SDK2: variants seen among roughly 807,000 people sequenced by gnomAD.
The protein encoded by SDK2 is sidekick cell adhesion molecule 2, also known as protein sidekick-2.
SDK2 carries 105 observed loss-of-function variants against 253.9 expected under a neutral mutation model. The observed-to-expected ratio is 0.41, with a 90% confidence interval of 0.35 to 0.49. The LOEUF is 0.49. Ranked by LOEUF, SDK2 falls within the 20% of genes least tolerant of loss-of-function variation. The pLI is 0.06. For missense variants in SDK2, 2,608 were observed against 3,003.0 expected (o/e 0.87, Z 3.07); for synonymous variants, 1,249 against 1,234.9 (o/e 1.01, Z -0.24).
In SDK2 at chr17:73,435,417, C is replaced by A; in HGVS notation, c.1195+33G>T. 6.5e-7 allele frequency: 1 copy of A among 1,547,050 alleles called. No homozygotes were observed. The highest frequency in any genetic ancestry group is 8.8e-7 in the Non-Finnish European group (1 of 1,142,032). On this transcript the variant is annotated intron_variant, in intron 9 of 44. Coordinates refer to ENST00000392650, the MANE Select transcript of SDK2 (RefSeq NM_001144952.2). The surrounding 1 kb of genome is among the most constrained non-coding windows in gnomAD (Gnocchi z 5.7). Reference sequence around the variant, plus strand: ...GAAAGCTGCGTCCTGGGAAGAGGGGCTCACGGGCAGCACAAGGGAAGGCCC... The same window carrying A: ...GAAAGCTGCGTCCTGGGAAGAGGGGATCACGGGCAGCACAAGGGAAGGCCC...
Position 73,352,809 on chromosome 17 carries a change from G to C in SDK2, c.5594-172C>G, listed in dbSNP as rs889786226. ...GAAGTTTCTTAAAAAGACAACTTTC[G>C]GGCCAAGCACGGTGGCTCATGCCTG... On this transcript the variant is annotated intron_variant, in intron 40 of 44. Coordinates refer to ENST00000392650, the MANE Select transcript of SDK2 (RefSeq NM_001144952.2). The surrounding 1 kb of genome is among the most constrained non-coding windows in gnomAD (Gnocchi z 4.1). Among the ~76,000 whole-genome samples the C allele has an allele frequency of 6.6e-6, 1 of 152,152 alleles. No individual in the cohort carries two copies. Among genetic ancestry groups the C allele is most frequent in the Non-Finnish European group, 1.5e-5 (1 of 68,026 alleles).
Position 73,447,477 on chromosome 17 carries a change from G to C in SDK2, c.613+138C>G. 17 of 1,270,864 alleles carry C rather than the reference G, an allele frequency of 1.3e-5. No individual in the cohort carries two copies. The highest frequency in any genetic ancestry group is 1.9e-5 in the Non-Finnish European group (17 of 913,676). The allele number at this position is 1,270,864 out of a possible 1,614,324, so 78.7% of individuals were successfully genotyped here. On this transcript the variant is annotated intron_variant, in intron 5 of 44. Transcript: ENST00000392650. The surrounding 1 kb of genome is among the most constrained non-coding windows in gnomAD (Gnocchi z 4.0). ...GCTCTGCTGTGTCTCGTCCTCCTTG[G>C]GAAGGCTCCCCCCGGCCGTCCCCTA...
intron 1 of SDK2, among the ~76,000 whole-genome samples, chr17:73,508,645 A>C (rs534092684): frequency 7.9e-5 from 12 of 152,288 alleles, no homozygotes; most frequent in Admixed American, 1.3e-4. Context: ...CAACCTCATG[A>C]CTAGACAGGA....
intron 2 of SDK2, among the ~76,000 whole-genome samples, chr17:73,480,157 G>A (rs946664129): frequency 2.6e-5 from 4 of 152,130 alleles, no homozygotes; most frequent in South Asian, 2.1e-4. Flanking sequence ...TGAGAAAAAC[G>A]GGGCCCAGAG....
At chr17:73,631,025 T>C (rs1433760204) in intron 1 of SDK2, among the ~76,000 whole-genome samples, 1 of 152,090 alleles carries the variant, frequency 6.6e-6, no homozygotes, top group African/African-American at 2.4e-5. Context: ...CAGAGGAGCA[T>C]GGGCAGTGGA....
intron 18 of SDK2, 36 bp downstream of exon 18, chr17:73,414,608 A>AG: frequency 6.6e-7 from 1 of 1,515,078 alleles, no homozygotes; most frequent in Non-Finnish European, 9.2e-7. Context: ...AGAAGATCTT[A>AG]GGGCCTCCTC....
chr17:73,640,550 C>T (rs921283055), intron 1 of SDK2, among the ~76,000 whole-genome samples: 2 of 152,272 alleles, frequency 1.3e-5, no homozygotes, highest in South Asian at 2.1e-4. Flanking sequence ...CAGGCAAGCA[C>T]GACACTCGGC....
chr17:73,438,663 C>A (rs1326270830), intron 6 of SDK2, among the ~76,000 whole-genome samples: 2 of 147,508 alleles, frequency 1.4e-5, no homozygotes, highest in Admixed American at 1.4e-4. Flanking sequence ...GACAGAAAAA[C>A]CCATTCCCCA....
chr17:73,602,650 C>A (rs998698488), intron 1 of SDK2, among the ~76,000 whole-genome samples: 1 of 151,778 alleles, frequency 6.6e-6, no homozygotes, highest in African/African-American at 2.4e-5. Flanking sequence ...ACAAGGAAAT[C>A]TATGTTCGGG....
At chr17:73,476,859 C>A (rs930158965) in intron 2 of SDK2, among the ~76,000 whole-genome samples, 1 of 152,190 alleles carries the variant, frequency 6.6e-6, no homozygotes, top group African/African-American at 2.4e-5. Flanking sequence ...TCCCCCAGGC[C>A]GCCCTCTGTA....
At chr17:73,355,174 A>ATATATATATATATATATAT in intron 40 of SDK2, among the ~76,000 whole-genome samples, 1 of 47,236 alleles carries the variant, frequency 2.1e-5, no homozygotes, top group Non-Finnish European at 3.4e-5. Context: ...ATATATATAT[A>ATATATATATATATATATAT]TTTTTTTTTT....
chr17:73,408,782 C>A (rs1007089649), intron 18 of SDK2, among the ~76,000 whole-genome samples: 8 of 152,038 alleles, frequency 5.3e-5, no homozygotes, highest in African/African-American at 7.2e-5. Flanking sequence ...CTAAAAAAAA[C>A]CCCTCAACTG....
At chr17:73,601,106 G>T (rs748788237) in intron 1 of SDK2, among the ~76,000 whole-genome samples, 1 of 151,100 alleles carries the variant, frequency 6.6e-6, no homozygotes, top group East Asian at 1.9e-4. Context: ...TGCAACCTCC[G>T]CCTCCCAGGT....
Position 73,397,989 on chromosome 17 carries a change from A to G in SDK2, c.3354+46T>C, listed in dbSNP as rs368063500. The G allele has an allele frequency of 2.1e-5, 33 of 1,596,736 alleles. No homozygotes were observed. The African/African-American group carries it at 4.0e-4, about 19-fold the overall frequency. On this transcript the variant is annotated intron_variant, in intron 24 of 44. Coordinates refer to ENST00000392650, the MANE Select transcript of SDK2 (RefSeq NM_001144952.2). Reference sequence around the variant, plus strand: ...GTGCACCTTCTAGGAGGCAATGACCAGAAGCTCATGGAGAGGTCCCACCCC... The same window carrying G: ...GTGCACCTTCTAGGAGGCAATGACCGGAAGCTCATGGAGAGGTCCCACCCC...
chr17:73,435,484 G>T lies in SDK2; in HGVS notation c.1161C>A (p.Gly387=), dbSNP rs757386726. 6.3e-7 allele frequency: 1 copy of T among 1,598,826 alleles called. No homozygotes were observed. Among genetic ancestry groups the T allele is most frequent in the East Asian group, 2.3e-5 (1 of 44,086 alleles). ...MFQCFARNAA[G]EVQTSTYLAV... ...CCAGGTAGGTGGAAGTTTGCACCTCGCCGGCTGCATTGCGGGCGAAGCACT... is the reference window on the plus strand; with the variant it reads ...CCAGGTAGGTGGAAGTTTGCACCTCTCCGGCTGCATTGCGGGCGAAGCACT... Residue 387 remains glycine, a synonymous_variant, in exon 9 of 45, where the codon GGC becomes GGA. Coordinates refer to ENST00000392650, the MANE Select transcript of SDK2 (RefSeq NM_001144952.2). This position sits in a 1 kb window ranked among gnomAD's most constrained non-coding sequence, Gnocchi z 5.7.
intron 18 of SDK2, among the ~76,000 whole-genome samples, chr17:73,412,178 G>A (rs915516894): frequency 2.7e-4 from 40 of 146,532 alleles, no homozygotes; most frequent in Admixed American, 1.1e-3. Context: ...ACACATATAT[G>A]TATATGCACA....
Position 73,398,033 on chromosome 17 carries a change from ACCATCCAGCGCAG to A in SDK2, c.3343_3354+1del. 1 of 1,610,820 alleles carries A rather than the reference ACCATCCAGCGCAG, an allele frequency of 6.2e-7. No individual in the cohort carries two copies. Among genetic ancestry groups the A allele is most frequent in the Non-Finnish European group, 8.5e-7 (1 of 1,179,844 alleles). On this transcript the variant is annotated splice_donor_variant and coding_sequence_variant, in exon 24 of 45. Transcript: ENST00000392650. LOFTEE classifies it high-confidence loss of function. ...CCACCCCTGCCCTCGAGGGAGCCTTACCATCCAGCGCAGCCACAGGCTGGTCTCACTGGCTGTG... is the reference window on the plus strand; with the variant it reads ...CCACCCCTGCCCTCGAGGGAGCCTTACCACAGGCTGGTCTCACTGGCTGTG...
intron 2 of SDK2, among the ~76,000 whole-genome samples, chr17:73,497,700 C>T (rs1396483556): frequency 1.3e-5 from 2 of 151,980 alleles, no homozygotes; most frequent in African/African-American, 4.8e-5. Context: ...ACAATGGACC[C>T]ACACCTCCTC....
At chr17:73,340,079 C>T (rs1489534617) in intron 44 of SDK2, among the ~76,000 whole-genome samples, 3 of 152,090 alleles carry the variant, frequency 2.0e-5, no homozygotes, top group African/African-American at 4.8e-5. Context: ...ACCATGTTGG[C>T]CAGGTTGGTC....
Sources: allele counts gnomAD v4.1 joint callset (sites outside exome capture counted in the v4.1 genomes callset), GRCh38; gene constraint gnomAD v4.1.1; non-coding constraint Gnocchi (gnomAD v3.1); transcripts MANE v1.5; gene names NCBI Gene and HGNC (gene_info 2026-07-23, HGNC 2026-07-21).